STS: variants seen among roughly 807,000 people sequenced by gnomAD.
STS encodes the protein steroid sulfatase, also known as steryl-sulfatase.
STS carries 7 observed loss-of-function variants against 26.8 expected under a neutral mutation model. That is an observed-to-expected ratio of 0.26 (90% confidence interval 0.15 to 0.49). STS has a LOEUF of 0.49. Ranked by LOEUF, STS falls within the 20% of genes least tolerant of loss-of-function variation. STS has a pLI of 0.98. For synonymous variants in STS, 199 were observed against 189.4 expected, an observed-to-expected ratio of 1.05 and a Z score of -0.42; for missense variants, 434 against 465.6, an observed-to-expected ratio of 0.93 and a Z score of 0.63.
chrX:7,288,645 T>C (rs1925261375), intron 7 of STS, among the ~76,000 whole-genome samples: 3 of 64,478 alleles, frequency 4.7e-5, no homozygotes, highest in South Asian at 6.8e-4. Context: ...TGTACGTGTG[T>C]GTGTGTGTGT....
At chrX:7,318,564 A>C (rs535655407) in intron 8 of STS, among the ~76,000 whole-genome samples, 1 of 112,019 alleles carries the variant, frequency 8.9e-6, no homozygotes, top group South Asian at 3.8e-4. Context: ...AGAAAATTGC[A>C]CAAGATTATG....
chrX:7,297,319 C>A (rs748432813), intron 7 of STS, among the ~76,000 whole-genome samples: 1 of 107,357 alleles, frequency 9.3e-6, no homozygotes, highest in Non-Finnish European at 1.9e-5. Flanking sequence ...TCAGAACCTT[C>A]ATTTTAGCAT....
chrX:7,291,564 C>T (rs757242729), intron 7 of STS, among the ~76,000 whole-genome samples: 34 of 112,112 alleles, frequency 3.0e-4, no homozygotes, highest in African/African-American at 1.1e-3. Flanking sequence ...CTGGCGTTAC[C>T]TTAGTGCCTG....
At position 7,350,335 on chromosome X, in the gene STS, C is replaced by T. The variant is rs1313854439; in HGVS notation, c.*74C>T. ...ACTACAAACACGCCTGAGAGTGGCA[C>T]TGGGGAAACATAACTCCATCTACAC... On this transcript the variant is annotated 3_prime_UTR_variant, in exon 11 of 11. Transcript: ENST00000674429. 6.2e-6 allele frequency: 7 copies of T among 1,124,650 alleles called. No individual in the cohort carries two copies. In the African/African-American group the frequency reaches 1.1e-4, roughly 18 times the overall value. 92.7% of individuals were successfully genotyped at this position (1,124,650 alleles called of 1,213,427 possible).
At chrX:7,295,253 C>G (rs754756441) in intron 7 of STS, among the ~76,000 whole-genome samples, 5 of 111,108 alleles carry the variant, frequency 4.5e-5, no homozygotes, top group Non-Finnish European at 9.4e-5. Context: ...AGTCATGGCC[C>G]AATTATAGCT....
At chrX:7,223,101 G>C (rs766070866) in intron 2 of STS, among the ~76,000 whole-genome samples, 1 of 111,933 alleles carries the variant, frequency 8.9e-6, no homozygotes, top group East Asian at 2.8e-4. Flanking sequence ...TGACTGAGAA[G>C]TATTCCACGG....
At chrX:7,344,644 G>T (rs1006042479) in intron 10 of STS, among the ~76,000 whole-genome samples, 1 of 111,699 alleles carries the variant, frequency 9.0e-6, no homozygotes, top group Non-Finnish European at 1.9e-5. Flanking sequence ...GAAGCTGGAA[G>T]GTGTTCTGGA....
At chrX:7,333,416 C>T (rs960120518) in intron 9 of STS, among the ~76,000 whole-genome samples, 1 of 112,063 alleles carries the variant, frequency 8.9e-6, no homozygotes, top group African/African-American at 3.2e-5. Flanking sequence ...ATAATCCGTT[C>T]CCTGGTTATT....
intron 2 of STS, among the ~76,000 whole-genome samples, chrX:7,240,936 A>G (rs965350874): frequency 1.3e-4 from 14 of 110,877 alleles, no homozygotes; most frequent in African/African-American, 4.6e-4. Context: ...AGTGTCCTCA[A>G]TCTCTGCTTC....
Position 7,352,954 on chromosome X carries a change from C to T in STS, c.*2693C>T, listed in dbSNP as rs1157758008. ...GAAAAGTGAAGGGGAAACACACACA[C>T]ACAAAAAAACAAGTATTTGGCTTGT... is the stretch of plus-strand genomic sequence containing the variant. On this transcript the variant is annotated 3_prime_UTR_variant, in exon 11 of 11. Coordinates refer to ENST00000674429, the MANE Select transcript of STS (RefSeq NM_001320752.2). 1.8e-5 allele frequency: 2 copies of T among 109,343 alleles called. No individual in the cohort carries two copies. Among genetic ancestry groups the T allele is most frequent in the Admixed American group, 9.8e-5 (1 of 10,155 alleles). 9.0% of individuals were successfully genotyped at this position (109,343 alleles called of 1,213,427 possible). A position where few individuals can be genotyped will look rare whatever the true frequency, so the allele number is the denominator to read the frequency against.
At chrX:7,210,962 G>C (rs1921012728) in intron 2 of STS, among the ~76,000 whole-genome samples, 1 of 110,592 alleles carries the variant, frequency 9.0e-6, no homozygotes, top group Non-Finnish European at 1.9e-5. Context: ...AAGCTACTTA[G>C]CATGTGCATT....
At chrX:7,325,232 T>C (rs1927363393) in intron 8 of STS, 107 bp from the exon 9 acceptor site, 3 of 811,556 alleles carry the variant, frequency 3.7e-6, no homozygotes, top group Non-Finnish European at 5.5e-6. Flanking sequence ...ATCTATGTAA[T>C]TAGAGCAGTT....
intron 2 of STS, among the ~76,000 whole-genome samples, chrX:7,252,670 C>G (rs1428961185): frequency 8.9e-6 from 1 of 111,880 alleles, no homozygotes; most frequent in African/African-American, 3.3e-5. Context: ...ACCATCCTCC[C>G]CAAAGATTCC....
intron 6 of STS, among the ~76,000 whole-genome samples, chrX:7,274,208 C>T (rs1048648056): frequency 1.8e-5 from 2 of 111,324 alleles, no homozygotes; most frequent in African/African-American, 3.3e-5. Flanking sequence ...ATTTAAGGAA[C>T]CCACCCAAGT....
intron 2 of STS, among the ~76,000 whole-genome samples, chrX:7,205,418 G>T (rs770131374): frequency 9.0e-6 from 1 of 111,500 alleles, no homozygotes; most frequent in Non-Finnish European, 1.9e-5. Context: ...TAGGCATGAA[G>T]GCTTTCTCCC....
intron 10 of STS, among the ~76,000 whole-genome samples, chrX:7,344,881 G>A (rs750393560): frequency 3.6e-5 from 4 of 111,179 alleles, no homozygotes; most frequent in Non-Finnish European, 7.5e-5. Flanking sequence ...TTTGTCTCAC[G>A]TGATGGCTCT....
At chrX:7,239,779 T>A (rs1922499949) in intron 2 of STS, among the ~76,000 whole-genome samples, 1 of 111,479 alleles carries the variant, frequency 9.0e-6, no homozygotes, top group Admixed American at 9.6e-5. Flanking sequence ...TTTTGAAACC[T>A]CTTTATCAAT....
intron 2 of STS, among the ~76,000 whole-genome samples, chrX:7,194,272 T>C (rs1207776460): frequency 9.0e-6 from 1 of 111,113 alleles, no homozygotes; most frequent in African/African-American, 3.3e-5. Flanking sequence ...AGTTCCTGCA[T>C]GGGGGTCACT....
intron 2 of STS, among the ~76,000 whole-genome samples, chrX:7,192,222 A>G (rs1231339942): frequency 8.9e-6 from 1 of 111,854 alleles, no homozygotes; most frequent in African/African-American, 3.2e-5. Context: ...GTGTGTTCCC[A>G]GGAGAACGTT....
Sources: allele counts gnomAD v4.1 joint callset (sites outside exome capture counted in the v4.1 genomes callset), GRCh38; gene constraint gnomAD v4.1.1; transcripts MANE v1.5; gene names NCBI Gene and HGNC (gene_info 2026-07-23, HGNC 2026-07-21).